The following PDXDC1 variants were observed in gnomAD, a reference collection of about 807,000 sequenced individuals.
PDXDC1 encodes pyridoxal dependent decarboxylase domain containing 1.
In PDXDC1, 42 loss-of-function variants were observed where a neutral mutation model predicts 100.1. The ratio of observed to expected loss-of-function variants is 0.42; its 90% CI spans 0.33 to 0.54. The LOEUF (loss-of-function observed/expected upper bound fraction) is 0.54, where lower values mean the gene tolerates loss of function less well. Ranked by LOEUF, PDXDC1 falls within the 20% of genes least tolerant of loss-of-function variation. The pLI is 0.10. For synonymous variants in PDXDC1, 260 were observed against 371.7 expected (o/e 0.70, Z 3.46); for missense variants, 636 against 979.2 (o/e 0.65, Z 4.68).
chr16:15,042,490 G>A (rs941996517), downstream of PDXDC1, among the ~76,000 whole-genome samples: 1 of 151,960 alleles, frequency 6.6e-6, no homozygotes, highest in Non-Finnish European at 1.5e-5. Context: ...GCGCCCAGTC[G>A]ACAATTTTAT....
chr16:15,125,696 C>T (rs765572063), intron 16 of PDXDC1: 206 of 1,353,230 alleles, frequency 1.5e-4, no homozygotes, highest in Non-Finnish European at 2.0e-4. Context: ...CTCACCTCAG[C>T]GTGGAGGCCT....
chr16:15,135,970 C>A lies in PDXDC1; in HGVS notation c.1400-2909C>A. ...GCAGGGCCACACGCGCCGGGCACCC[C>A]GGCTGGTGGGCCCGAGCCAGATGCA... On this transcript the variant is annotated intron_variant, in intron 16 of 16. Coordinates refer to the PDXDC1 transcript ENST00000535621. 1.1e-5 allele frequency: 18 copies of A among 1,574,052 alleles called. 1 individual carries two copies. In the South Asian group the frequency reaches 2.0e-4, roughly 18 times the overall value.
chr16:14,980,697 G>A (rs1467324389), intron 1 of PDXDC1, among the ~76,000 whole-genome samples: 8 of 152,374 alleles, frequency 5.3e-5, no homozygotes, highest in South Asian at 2.1e-4. Flanking sequence ...GGATGGTCTC[G>A]ATCTCCTGAC....
downstream of PDXDC1, among the ~76,000 whole-genome samples, chr16:15,039,299 T>C (rs981881659): frequency 4.6e-5 from 7 of 152,164 alleles, no homozygotes; most frequent in Non-Finnish European, 8.8e-5. Flanking sequence ...GTTAAAAGGG[T>C]TGGCTCCGAA....
chr16:15,094,318 G>C lies in PDXDC1; in HGVS notation c.1400-44561G>C, dbSNP rs1424992389. On this transcript the variant is annotated intron_variant, in intron 16 of 16. Transcript: ENST00000535621. ...AGCCTCTGTCCCGGAAGTTGCGCGT[G>C]CCAGCGCAACCTTCAGCCAATCAGC... 4.7e-6 allele frequency: 6 copies of C among 1,264,150 alleles called. No homozygotes were observed. In the East Asian group the frequency reaches 1.3e-4, roughly 27 times the overall value. 78.3% of individuals were successfully genotyped at this position (1,264,150 alleles called of 1,614,324 possible). A position where few individuals can be genotyped will look rare whatever the true frequency, so the allele number is the denominator to read the frequency against.
chr16:15,046,567 T>C (rs922983970), intron 16 of PDXDC1, among the ~76,000 whole-genome samples: 5 of 152,076 alleles, frequency 3.3e-5, no homozygotes, highest in African/African-American at 1.2e-4. Context: ...AGAGGCCGCT[T>C]CTTATCCAGC....
Position 15,033,195 on chromosome 16 carries a change from AG to A in PDXDC1, c.1691-81del. 3 of 1,485,204 alleles carry A rather than the reference AG, an allele frequency of 2.0e-6. No homozygotes were observed. The Admixed American group carries it at 5.0e-5, about 25-fold the overall frequency. The allele number at this position is 1,485,204 out of a possible 1,614,324, so 92.0% of individuals were successfully genotyped here. Reference sequence around the variant, plus strand: ...GGAGGAGACCCCTTTGTGTGTGGTCAGGACCCTGAACAGGAGAGTAGGTCCA... The same window carrying A: ...GGAGGAGACCCCTTTGTGTGTGGTCAGACCCTGAACAGGAGAGTAGGTCCA... On this transcript the variant is annotated intron_variant, in intron 18 of 22. Transcript: ENST00000396410.
At chr16:15,060,730 G>A (rs1043373366) in intron 16 of PDXDC1, 1 of 152,342 alleles carries the variant, frequency 6.6e-6, no homozygotes, top group African/African-American at 2.4e-5. Flanking sequence ...CAAGCCGAAT[G>A]TGCGATGCAC....
the PDXDC1 span, among the ~76,000 whole-genome samples, chr16:15,144,910 C>A: frequency 6.6e-6 from 1 of 152,152 alleles, no homozygotes; most frequent in Non-Finnish European, 1.5e-5. Flanking sequence ...TCGGGGCCAC[C>A]CTTCCAGTTC....
intron 1 of PDXDC1, chr16:14,989,962 C>A: frequency 6.8e-7 from 1 of 1,461,686 alleles, no homozygotes; most frequent in East Asian, 3.1e-5. Context: ...GTGGCCGCCT[C>A]CAGGCAGGCA....
Position 15,036,153 on chromosome 16 carries a change from A to G in PDXDC1, c.2245A>G (p.Thr749Ala). ...PEQITLEASS[T>A]EGHPGAPSPQ... ...GCAGATCACCCTCGAGGCCAGCAGC[A>G]CTGAGGGACACCCAGGGGCTCCCAG... Residue 749 changes from threonine to alanine, a missense_variant, in exon 23 of 23, where the codon ACT becomes GCT. By Grantham distance (58) the Thr-to-Ala change is moderately conservative (BLOSUM62 0). Around this residue, in one of 4 missense-constraint regions of PDXDC1, gnomAD observed 452 missense variants for 402.9 expected, o/e 1.12. Coordinates refer to ENST00000396410, the MANE Select transcript of PDXDC1 (RefSeq NM_015027.4). The G allele has an allele frequency of 6.2e-7, 1 of 1,614,176 alleles. No individual in the cohort carries two copies. Among genetic ancestry groups the G allele is most frequent in the Non-Finnish European group, 8.5e-7 (1 of 1,180,022 alleles).
Position 15,018,622 on chromosome 16 carries a change from C to T in PDXDC1, c.964-218C>T, listed in dbSNP as rs561726308. Reference sequence around the variant, plus strand: ...TTCCACTGGCTTTTCCTGGCTTTGCCACTCCTGAGCTGTGAACCCTTGGAC... The same window carrying T: ...TTCCACTGGCTTTTCCTGGCTTTGCTACTCCTGAGCTGTGAACCCTTGGAC... On this transcript the variant is annotated intron_variant, in intron 11 of 22. Transcript: ENST00000396410. 1.1e-4 allele frequency among the ~76,000 whole-genome samples: 16 copies of T among 152,302 alleles called. 1 individual carries two copies. In the South Asian group the frequency reaches 3.3e-3, roughly 32 times the overall value.
intron 1 of PDXDC1, among the ~76,000 whole-genome samples, chr16:14,986,806 G>A (rs1015305083): frequency 1.3e-5 from 2 of 152,276 alleles, no homozygotes; most frequent in Admixed American, 1.3e-4. Context: ...GAGTGCAGTG[G>A]CGCGTTCTTG....
intron 16 of PDXDC1, chr16:15,076,665 G>GAA: frequency 2.7e-6 from 4 of 1,493,058 alleles, no homozygotes; most frequent in Non-Finnish European, 3.7e-6. Flanking sequence ...AACAAAGGGA[G>GAA]AAAAAAAAAG....
At chr16:15,044,252 A>G (rs1023920885) in intron 16 of PDXDC1, 5 of 908,350 alleles carry the variant, frequency 5.5e-6, no homozygotes, top group African/African-American at 3.3e-5. Context: ...TGGGTTTTGT[A>G]CCAATTGGGA....
chr16:14,976,491 T>C (rs1358870710), intron 1 of PDXDC1, among the ~76,000 whole-genome samples: 3 of 152,286 alleles, frequency 2.0e-5, no homozygotes, highest in Non-Finnish European at 4.4e-5. Flanking sequence ...AAAGATAATA[T>C]GGTTTTCTTG....
At chr16:15,074,549 T>C (rs2045371508) in intron 16 of PDXDC1, 4 of 457,464 alleles carry the variant, frequency 8.7e-6, no homozygotes, top group Non-Finnish European at 1.5e-5. Context: ...CCCAGTCCCA[T>C]TTTCAAGCTA....
At chr16:15,057,803 A>G (rs2044579937) in intron 16 of PDXDC1, among the ~76,000 whole-genome samples, 1 of 152,240 alleles carries the variant, frequency 6.6e-6, no homozygotes, top group African/African-American at 2.4e-5. Context: ...GGTGAAGAAC[A>G]AGGTTCTGTG....
intron 16 of PDXDC1, chr16:15,128,355 C>G (rs1465288728): frequency 6.2e-7 from 1 of 1,607,158 alleles, no homozygotes. Context: ...GGCTGTCCAC[C>G]CCATACAGCA....
Sources: allele counts gnomAD v4.1 joint callset (sites outside exome capture counted in the v4.1 genomes callset), GRCh38; gene constraint gnomAD v4.1.1; regional missense constraint gnomAD v4.1.1; transcripts MANE v1.5; gene names NCBI Gene and HGNC (gene_info 2026-07-23, HGNC 2026-07-21).